Variants in CALB1 observed in about 807,000 individuals in gnomAD.
The protein encoded by CALB1 is calbindin.
A neutral mutation model predicts 46.7 loss-of-function variants in CALB1; 16 were observed. That is an observed-to-expected ratio of 0.34 (90% confidence interval 0.23 to 0.52). CALB1 has a LOEUF of 0.52. CALB1 is among the 20% of genes least tolerant of loss of function. The probability of loss-of-function intolerance (pLI) is 0.95; values close to 1 mark genes in which losing one functional copy is unlikely to be tolerated. For synonymous variants in CALB1, 90 were observed against 112.8 expected, an observed-to-expected ratio of 0.80 and a Z score of 1.28; for missense variants, 224 against 300.3, an observed-to-expected ratio of 0.75 and a Z score of 1.88.
intron 5 of CALB1, 107 bp downstream of exon 5, chr8:90,068,891 G>T: frequency 1.4e-6 from 1 of 739,616 alleles, no homozygotes; most frequent in Non-Finnish European, 2.2e-6. Flanking sequence ...ATGTGACACT[G>T]TTCAACATTA....
chr8:90,078,874 A>G (rs1167189112), intron 2 of CALB1, among the ~76,000 whole-genome samples: 1 of 152,026 alleles, frequency 6.6e-6, no homozygotes, highest in African/African-American at 2.4e-5. Flanking sequence ...TGTTTTATCT[A>G]TGGAGAGTAA....
rs1294909685 is a variant in CALB1 at position 90,059,948 on chromosome 8, A to G, written c.*225T>C. Reference sequence around the variant, plus strand: ...TTATTTTTTAAAATTGGGTGTACTGACTGGCCTAAGCATAGACTTTCTTCT... The same window carrying G: ...TTATTTTTTAAAATTGGGTGTACTGGCTGGCCTAAGCATAGACTTTCTTCT... On this transcript the variant is annotated 3_prime_UTR_variant, in exon 11 of 11. Coordinates refer to ENST00000265431, the MANE Select transcript of CALB1 (RefSeq NM_004929.4). 1 of 409,896 alleles carries G rather than the reference A, an allele frequency of 2.4e-6. No homozygotes were observed. Among genetic ancestry groups the G allele is most frequent in the African/African-American group, 2.0e-5 (1 of 49,020 alleles). The allele number at this position is 409,896 out of a possible 1,614,324, so 25.4% of individuals were successfully genotyped here.
rs761713774 is a variant in CALB1 at position 90,082,612 on chromosome 8, T to C, written c.79+7A>G. ...TCTTGAAACAGTTAAAAAGAGAAGA[T>C]AATCACCGTCAGCGTCGAAATGGAG... On this transcript the variant is annotated splice_region_variant and intron_variant, in intron 1 of 10. Transcript: ENST00000265431. 1.2e-6 allele frequency: 2 copies of C among 1,611,684 alleles called. No individual in the cohort carries two copies. The highest frequency in any genetic ancestry group is 2.2e-5 in the South Asian group (2 of 91,006).
chr8:90,081,934 C>T (rs1163994774), intron 2 of CALB1, 92 bp downstream of exon 2: 1 of 1,090,884 alleles, frequency 9.2e-7, no homozygotes, highest in South Asian at 1.4e-5. Flanking sequence ...ACCCAGAAAG[C>T]GCTTTACGCT....
In CALB1 at chr8:90,076,095, T is replaced by C. The variant is rs559844665; in HGVS notation, c.231+2278A>G. On this transcript the variant is annotated intron_variant, in intron 3 of 10. Coordinates refer to ENST00000265431, the MANE Select transcript of CALB1 (RefSeq NM_004929.4). The stretch of plus-strand genomic sequence containing the variant: ...ACACTAAAACCTTCCAATCAGTTTA[T>C]ATGTATCTCATTTGTCTCCCTTTAA... 3.9e-5 allele frequency among the ~76,000 whole-genome samples: 6 copies of C among 152,214 alleles called. No homozygotes were observed. The South Asian group carries it at 1.2e-3, about 32-fold the overall frequency.
intron 3 of CALB1, among the ~76,000 whole-genome samples, chr8:90,069,628 C>T (rs1286929820): frequency 2.0e-5 from 3 of 152,072 alleles, no homozygotes; most frequent in Non-Finnish European, 2.9e-5. Context: ...CAGAAAGGCA[C>T]ATGTGGGGGC....
intron 3 of CALB1, among the ~76,000 whole-genome samples, chr8:90,071,388 G>C (rs1465417265): frequency 6.6e-6 from 1 of 152,010 alleles, no homozygotes; most frequent in East Asian, 1.9e-4. Context: ...CTAGAATGTA[G>C]GTCTCCCCCC....
At chr8:90,070,274 A>G (rs1814486698) in intron 3 of CALB1, among the ~76,000 whole-genome samples, 1 of 152,100 alleles carries the variant, frequency 6.6e-6, no homozygotes, top group Non-Finnish European at 1.5e-5. Flanking sequence ...TACACACACT[A>G]TATTTCATCT....
intron 2 of CALB1, 41 bp downstream of exon 2, chr8:90,081,985 G>A (rs745434139): frequency 1.3e-6 from 2 of 1,524,366 alleles, no homozygotes; most frequent in Admixed American, 3.5e-5. Context: ...TTAATTTGGG[G>A]GTTAAAAGTC....
intron 3 of CALB1, among the ~76,000 whole-genome samples, chr8:90,071,964 T>C (rs187541314): frequency 2.4e-4 from 36 of 152,306 alleles, no homozygotes; most frequent in Non-Finnish European, 3.5e-4. Context: ...ATCTAGCATG[T>C]TATATGCCTG....
intron 2 of CALB1, among the ~76,000 whole-genome samples, chr8:90,080,283 A>G (rs192680886): frequency 6.6e-6 from 1 of 152,058 alleles, no homozygotes; most frequent in African/African-American, 2.4e-5. Context: ...ATTGCTTACA[A>G]AAAGGTACAA....
chr8:90,066,141 G>T (rs533570691), intron 5 of CALB1, among the ~76,000 whole-genome samples, 166 bp from the exon 6 acceptor site: 1 of 151,962 alleles, frequency 6.6e-6, no homozygotes, highest in Non-Finnish European at 1.5e-5. Context: ...GACTAAACCA[G>T]GTTGTCCTCC....
intron 3 of CALB1, among the ~76,000 whole-genome samples, chr8:90,072,713 C>G (rs1162668796): frequency 6.6e-6 from 1 of 152,094 alleles, no homozygotes; most frequent in African/African-American, 2.4e-5. Context: ...TGCCAAAGGT[C>G]TTTCATATAG....
chr8:90,066,850 C>A (rs778936660), intron 5 of CALB1, among the ~76,000 whole-genome samples: 1 of 151,890 alleles, frequency 6.6e-6, no homozygotes, highest in Non-Finnish European at 1.5e-5. Context: ...TGAATTAATG[C>A]AATTAGGAAA....
At chr8:90,064,092 G>C (rs1814347574) in intron 6 of CALB1, 1 of 151,758 alleles carries the variant, frequency 6.6e-6, no homozygotes. Context: ...TTATACCAAA[G>C]TAGTATATAT....
rs1471652499 is a variant in CALB1 at position 90,069,344 on chromosome 8, G to A, written c.232-107C>T. The A allele has an allele frequency of 6.1e-6, 5 of 815,828 alleles. 1 individual carries two copies. Among genetic ancestry groups the A allele is most frequent in the African/African-American group, 1.7e-5 (1 of 58,922 alleles). 50.5% of individuals were successfully genotyped at this position (815,828 alleles called of 1,614,324 possible). The stretch of plus-strand genomic sequence containing the variant: ...CTTCAACGTGTTCCCTCACAGGCTA[G>A]AAAAGTAGGAGAGGAAAAACATTAG... On this transcript the variant is annotated intron_variant, in intron 3 of 10. Transcript: ENST00000265431.
chr8:90,076,168 G>A (rs903125777), intron 3 of CALB1, among the ~76,000 whole-genome samples: 9 of 151,810 alleles, frequency 5.9e-5, no homozygotes, highest in Non-Finnish European at 8.8e-5. Flanking sequence ...ATTATGTTTC[G>A]AGTGCTTTGC....
intron 5 of CALB1, among the ~76,000 whole-genome samples, chr8:90,068,598 G>A (rs1323952816): frequency 1.3e-5 from 2 of 152,174 alleles, no homozygotes; most frequent in Non-Finnish European, 2.9e-5. Flanking sequence ...AAGGCATTAT[G>A]TGTAAAGTAG....
At chr8:90,072,625 CG>C (rs1333437272) in intron 3 of CALB1, among the ~76,000 whole-genome samples, 1 of 152,034 alleles carries the variant, frequency 6.6e-6, no homozygotes, top group Non-Finnish European at 1.5e-5. Flanking sequence ...TCTCTCAATG[CG>C]TATGAATCAA....
Sources: allele counts gnomAD v4.1 joint callset (sites outside exome capture counted in the v4.1 genomes callset), GRCh38; gene constraint gnomAD v4.1.1; transcripts MANE v1.5; gene names NCBI Gene and HGNC (gene_info 2026-07-23, HGNC 2026-07-21).